Variants in DMD observed in about 807,000 individuals in gnomAD.
DMD encodes dystrophin.
Under a neutral mutation model 330.1 loss-of-function variants are expected in DMD, and 63 were observed. That is an observed-to-expected ratio of 0.19 (90% CI 0.16 to 0.24). The LOEUF (loss-of-function observed/expected upper bound fraction) is 0.24, where lower values mean the gene tolerates loss of function less well. Among genes scored for constraint, DMD ranks in the 10% least tolerant of loss-of-function variants. The probability of loss-of-function intolerance (pLI) is 1.00; values close to 1 mark genes in which losing one functional copy is unlikely to be tolerated. For synonymous variants in DMD, 1,223 were observed against 959.8 expected (o/e 1.27, Z -5.07); for missense variants, 3,344 against 2,684.1 (o/e 1.25, Z -5.43).
At chrX:32,829,561 T>G (rs772765149) in intron 4 of DMD, among the ~76,000 whole-genome samples, 1 of 111,940 alleles carries the variant, frequency 8.9e-6, no homozygotes, top group East Asian at 2.8e-4. Flanking sequence ...AGAGCTCACT[T>G]TTGAATGGAT....
chrX:32,402,928 T>A (rs1376992257), intron 30 of DMD, among the ~76,000 whole-genome samples: 1 of 111,543 alleles, frequency 9.0e-6, no homozygotes, highest in East Asian at 2.8e-4. Context: ...ACGTTAGGCT[T>A]ATTCACATTT....
Position 32,853,547 on chromosome X carries a change from A to C in DMD, c.94-3727T>G, listed in dbSNP as rs186739801. Among the ~76,000 whole-genome samples the C allele has an allele frequency of 3.6e-5, 4 of 110,743 alleles. No homozygotes were observed. The East Asian group carries it at 1.1e-3, about 31-fold the overall frequency. ...GAAATAATGGGTTATAGTGTTTGTAAACCTCATGGTAGCCTCAAATAAGAA... is the reference window on the plus strand; with the variant it reads ...GAAATAATGGGTTATAGTGTTTGTACACCTCATGGTAGCCTCAAATAAGAA... On this transcript the variant is annotated intron_variant, in intron 2 of 78. Coordinates refer to ENST00000357033, the MANE Select transcript of DMD (RefSeq NM_004006.3).
intron 45 of DMD, among the ~76,000 whole-genome samples, chrX:31,958,496 C>A (rs752780618): frequency 9.0e-6 from 1 of 110,984 alleles, no homozygotes; most frequent in Admixed American, 9.6e-5. Flanking sequence ...GTTTGTCAAC[C>A]CTTCTGATTT....
chrX:32,629,806 A>C (rs750444769), intron 11 of DMD, among the ~76,000 whole-genome samples: 151 of 110,499 alleles, frequency 1.4e-3, no homozygotes, highest in South Asian at 2.3e-3. Flanking sequence ...AACTAAAAAA[A>C]AAAAAAATGC....
chrX:33,026,313 CAAAAAAAAAAAAAAAAAAAA>C (rs56794668), intron 1 of DMD, among the ~76,000 whole-genome samples: 6 of 32,780 alleles, frequency 1.8e-4, no homozygotes, highest in Non-Finnish European at 2.1e-4. Flanking sequence ...GACTCCGTCT[CAAAAAAAAAAAAAAAAAAAA>C]AAAAAAAAAA....
intron 25 of DMD, among the ~76,000 whole-genome samples, chrX:32,462,854 G>C (rs1160923812): frequency 9.0e-6 from 1 of 110,825 alleles, no homozygotes; most frequent in Non-Finnish European, 1.9e-5. Flanking sequence ...AGCTACTTGT[G>C]GGGACTGAGA....
At chrX:31,262,522 G>C (rs1429901965) in intron 62 of DMD, among the ~76,000 whole-genome samples, 5 of 112,557 alleles carry the variant, frequency 4.4e-5, no homozygotes, top group Non-Finnish European at 9.4e-5. Flanking sequence ...ATTGAACAGT[G>C]AGGGCTACTG....
chrX:32,822,912 G>T (rs2078392923), intron 5 of DMD, among the ~76,000 whole-genome samples: 1 of 111,269 alleles, frequency 9.0e-6, no homozygotes, highest in Non-Finnish European at 1.9e-5. Context: ...AATAATTTAT[G>T]TTAAGAATAC....
At chrX:32,911,019 G>A (rs931285127) in intron 2 of DMD, among the ~76,000 whole-genome samples, 4 of 111,220 alleles carry the variant, frequency 3.6e-5, no homozygotes, top group South Asian at 3.7e-4. Flanking sequence ...AGTCACCCTC[G>A]CTATTTCAAT....
intron 55 of DMD, among the ~76,000 whole-genome samples, chrX:31,606,164 G>A (rs1445329009): frequency 9.0e-6 from 1 of 111,511 alleles, no homozygotes; most frequent in Non-Finnish European, 1.9e-5. Context: ...TTGTGAAGAA[G>A]ATGCTTGCTT....
intron 8 of DMD, among the ~76,000 whole-genome samples, chrX:32,698,471 A>T (rs2063823444): frequency 1.8e-5 from 2 of 111,971 alleles, no homozygotes; most frequent in African/African-American, 6.5e-5. Context: ...AAATGTTGCT[A>T]AAGGTTTCTT....
intron 50 of DMD, among the ~76,000 whole-genome samples, chrX:31,808,394 G>A (rs2092357367): frequency 8.9e-6 from 1 of 111,864 alleles, no homozygotes; most frequent in South Asian, 3.7e-4. Flanking sequence ...CAGAGATCAA[G>A]ATGGAAATCC....
In DMD at chrX:31,519,283, T is replaced by C. The variant is rs746904841; in HGVS notation, c.8218-11830A>G. ...TGGAATCTCTTTGTCACTAAGCTAT[T>C]TTTTGTCCTCCAGAGAATCACTGTG... On this transcript the variant is annotated intron_variant, in intron 55 of 78. Coordinates refer to ENST00000357033, the MANE Select transcript of DMD (RefSeq NM_004006.3). 8.0e-5 allele frequency among the ~76,000 whole-genome samples: 9 copies of C among 112,325 alleles called. No individual in the cohort carries two copies. The South Asian group carries it at 2.9e-3, about 37-fold the overall frequency.
At chrX:32,327,936 T>A (rs1211073400) in intron 41 of DMD, among the ~76,000 whole-genome samples, 1 of 111,561 alleles carries the variant, frequency 9.0e-6, no homozygotes, top group Admixed American at 9.6e-5. Context: ...AAAAATAAAT[T>A]TTTTTTCACT....
chrX:32,678,146 A>G (rs762451324), intron 9 of DMD, among the ~76,000 whole-genome samples: 48 of 112,093 alleles, frequency 4.3e-4, no homozygotes, highest in African/African-American at 1.4e-3. Flanking sequence ...TAAAATTTTC[A>G]TCATGCAAGA....
intron 60 of DMD, among the ~76,000 whole-genome samples, chrX:31,372,126 C>T (rs1353014087): frequency 7.2e-5 from 8 of 111,355 alleles, no homozygotes; most frequent in Non-Finnish European, 1.3e-4. Context: ...AGGTTGCAAA[C>T]GGCTTAGGGG....
chrX:32,330,236 A>G, intron 41 of DMD, among the ~76,000 whole-genome samples: 1 of 112,543 alleles, frequency 8.9e-6, no homozygotes, highest in East Asian at 2.8e-4. Flanking sequence ...AACCTTAATT[A>G]TTTCAAAAGC....
rs1472877550 is a variant in DMD, at chrX:32,905,023, G to C, written c.94-55203C>G. Among the ~76,000 whole-genome samples the C allele has an allele frequency of 8.0e-5, 9 of 112,147 alleles. No individual in the cohort carries two copies. The Admixed American group carries it at 8.5e-4, about 11-fold the overall frequency. On this transcript the variant is annotated intron_variant, in intron 2 of 78. Transcript: ENST00000357033. The stretch of plus-strand genomic sequence containing the variant: ...TTGTTGTATGTATATATGTATTTCT[G>C]TACACATCCCTATATTGGGACCATA...
chrX:32,016,400 T>A (rs1215374768), intron 44 of DMD, among the ~76,000 whole-genome samples: 1 of 111,776 alleles, frequency 8.9e-6, no homozygotes. Flanking sequence ...TGCCTAGTTC[T>A]TGGAGTGCAT....
Sources: gnomAD v4.1 joint callset for allele counts (sites outside exome capture counted in the v4.1 genomes callset) on GRCh38, gnomAD v4.1.1 for gene constraint, MANE v1.5 for transcripts, NCBI Gene and HGNC (gene_info 2026-07-23, HGNC 2026-07-21) for gene names.